The following MED24 variants were observed in gnomAD, a reference collection of about 807,000 sequenced individuals.
The protein encoded by MED24 is mediator complex subunit 24.
A neutral mutation model predicts 118.8 loss-of-function variants in MED24; 74 were observed. The ratio of observed to expected loss-of-function variants is 0.62; its 90% CI spans 0.52 to 0.76. The LOEUF is 0.76. Ranked by LOEUF, MED24 falls within the 30% of genes least tolerant of loss-of-function variation. MED24 has a pLI of 0.00. For missense variants in MED24, 1,041 were observed against 1,278.9 expected, an observed-to-expected ratio of 0.81 and a Z score of 2.84; for synonymous variants, 521 against 523.9, an observed-to-expected ratio of 0.99 and a Z score of 0.08.
At chr17:40,052,379 A>G (rs1985951598) in intron 3 of MED24, among the ~76,000 whole-genome samples, 1 of 152,160 alleles carries the variant, frequency 6.6e-6, no homozygotes, top group South Asian at 2.1e-4. Context: ...ACATCACCCC[A>G]TTGTAAGTTG....
chr17:40,036,688 A>AG (rs1193565482), intron 3 of MED24, among the ~76,000 whole-genome samples: 3 of 83,106 alleles, frequency 3.6e-5, no homozygotes, highest in Admixed American at 3.2e-4. Context: ...CTCTGTCTCA[A>AG]AAAAAAAAAA....
intron 3 of MED24, among the ~76,000 whole-genome samples, chr17:40,039,046 C>T (rs1310828673): frequency 1.3e-5 from 2 of 152,194 alleles, no homozygotes; most frequent in Non-Finnish European, 2.9e-5. Context: ...GTGAACCTTG[C>T]TGGATACCAA....
chr17:40,052,380 T>C (rs942776551), intron 3 of MED24, among the ~76,000 whole-genome samples: 1 of 152,192 alleles, frequency 6.6e-6, no homozygotes, highest in Non-Finnish European at 1.5e-5. Flanking sequence ...CATCACCCCA[T>C]TGTAAGTTGA....
intron 23 of MED24, among the ~76,000 whole-genome samples, chr17:40,020,781 C>T (rs1435529115): frequency 6.6e-6 from 1 of 151,886 alleles, no homozygotes; most frequent in African/African-American, 2.4e-5. Context: ...AACCGTGTCT[C>T]AGAAAAACAG....
chr17:40,037,755 C>T (rs1463916336), intron 3 of MED24, among the ~76,000 whole-genome samples: 1 of 151,816 alleles, frequency 6.6e-6, no homozygotes, highest in Non-Finnish European at 1.5e-5. Context: ...ACTAATAATA[C>T]AAAAAATTAG....
At chr17:40,027,698 G>T (rs1032974633) in intron 15 of MED24, 12 of 671,276 alleles carry the variant, frequency 1.8e-5, no homozygotes, top group Non-Finnish European at 3.1e-5. Context: ...AAAGGGATGA[G>T]GGGGGGAAGG....
chr17:40,052,185 CG>C (rs1341090129), intron 3 of MED24, among the ~76,000 whole-genome samples: 1 of 151,762 alleles, frequency 6.6e-6, no homozygotes, highest in African/African-American at 2.4e-5. Context: ...CCCAGCTACT[CG>C]GGAGGCTGAG....
intron 3 of MED24, among the ~76,000 whole-genome samples, chr17:40,049,446 C>T (rs779016330): frequency 9.2e-5 from 14 of 152,224 alleles, no homozygotes; most frequent in Non-Finnish European, 1.8e-4. Flanking sequence ...GACTGGGTGC[C>T]TTTCCCATGT....
chr17:40,039,781 A>AT (rs869107070), intron 3 of MED24, among the ~76,000 whole-genome samples: 36,063 of 127,588 alleles, frequency 0.28, 6,514 homozygotes, highest in South Asian at 0.44. Flanking sequence ...ACCATGCTTA[A>AT]TTTTTTTTTT....
intron 6 of MED24, chr17:40,034,825 G>A (rs1481787959): frequency 5.3e-6 from 5 of 936,264 alleles, no homozygotes; most frequent in African/African-American, 5.0e-5. Context: ...ATGAGGGCAG[G>A]GACCCTGCCA....
At chr17:40,037,843 A>G (rs1022385269) in intron 3 of MED24, among the ~76,000 whole-genome samples, 3 of 151,718 alleles carry the variant, frequency 2.0e-5, no homozygotes, top group Admixed American at 1.3e-4. Flanking sequence ...CCCGGGAGGC[A>G]GAGCTTGCAG....
chr17:40,036,054 G>A (rs1022087811), intron 4 of MED24, 62 bp downstream of exon 4: 71 of 1,536,076 alleles, frequency 4.6e-5, no homozygotes, highest in South Asian at 6.7e-5. Flanking sequence ...CATCAGGGCC[G>A]TCAAGGAGGC....
rs765018383 is a variant in MED24 at position 40,028,776 on chromosome 17, A to G, written c.1409+50T>C. 9.4e-6 allele frequency: 15 copies of G among 1,604,118 alleles called. 1 individual carries two copies. In the Middle Eastern group the frequency reaches 1.1e-3, roughly 117 times the overall value. ...ACTCCTACCCTGCTACCTCCTCCCA[A>G]CGCGCAGCCTCCCTGCACGCCCTGG... On this transcript the variant is annotated intron_variant, in intron 14 of 25. Transcript: ENST00000394128.
chr17:40,031,551 C>A lies in MED24; in HGVS notation c.1054G>T (p.Asp352Tyr). Reference sequence around the variant, plus strand: ...GGGAGCTCATACTTGCAGCGCTGGTCAGCTTTGTCCAACAAGGGGGTGAGC... The same window carrying A: ...GGGAGCTCATACTTGCAGCGCTGGTAAGCTTTGTCCAACAAGGGGGTGAGC... ...LKLTPLLDKA[D>Y]QRCNCDCTNF... is the part of the protein sequence containing the mutation. Residue 352 changes from aspartate (D) to tyrosine (Y), a missense_variant, in exon 11 of 26, where the codon GAC (aspartate) becomes TAC (tyrosine). Asp to Tyr is a radical substitution (Grantham distance 160, BLOSUM62 -3). This residue lies in a region of MED24 where 434 missense variants were observed against 514.9 expected (regional missense o/e 0.84). Transcript: ENST00000394128. The A allele has an allele frequency of 6.2e-7, 1 of 1,614,134 alleles. No homozygotes were observed. Among genetic ancestry groups the A allele is most frequent in the Non-Finnish European group, 8.5e-7 (1 of 1,179,986 alleles).
At chr17:40,032,923 C>A in intron 8 of MED24, 133 bp downstream of exon 8, 2 of 1,396,432 alleles carry the variant, frequency 1.4e-6, no homozygotes, top group Non-Finnish European at 2.0e-6. Context: ...GAAGTGTGCA[C>A]GACTGGCACC....
Position 40,033,608 on chromosome 17 carries a change from G to T in MED24, c.560-152C>A. 1 of 722,064 alleles carries T rather than the reference G, an allele frequency of 1.4e-6. No individual in the cohort carries two copies. The highest frequency in any genetic ancestry group is 2.5e-6 in the Non-Finnish European group (1 of 403,884). The allele number at this position is 722,064 out of a possible 1,614,324, so 44.7% of individuals were successfully genotyped here. On this transcript the variant is annotated intron_variant, in intron 6 of 25. Transcript: ENST00000394128. The surrounding 1 kb of genome is among the most constrained non-coding windows in gnomAD (Gnocchi z 5.2). ...ACAACAGGGAGGGAGGGGCCTGAGG[G>T]CAGCATGCACTGTTTCCAGAAGGGG... is the stretch of plus-strand genomic sequence containing the variant.
chr17:40,031,461 G>T, intron 11 of MED24, 77 bp downstream of exon 11: 2 of 1,434,864 alleles, frequency 1.4e-6, no homozygotes, highest in Non-Finnish European at 1.9e-6. Context: ...GTCCCCTGAG[G>T]CTTCTCTGGC....
chr17:40,024,538 A>G (rs2144870813), intron 19 of MED24, among the ~76,000 whole-genome samples: 1 of 152,260 alleles, frequency 6.6e-6, no homozygotes, highest in South Asian at 2.1e-4. Context: ...CGTCTCAAAA[A>G]TAAGTACATA....
Position 40,049,017 on chromosome 17 carries a change from T to A in MED24, c.213+4281A>T, listed in dbSNP as rs556957217. ...GAGATCAAATACAATCAAATATATT[T>A]AAGAAAAGTCTCAAAATTTTGAAGA... On this transcript the variant is annotated intron_variant, in intron 3 of 25. Coordinates refer to ENST00000394128, the MANE Select transcript of MED24 (RefSeq NM_014815.4). Among the ~76,000 whole-genome samples, 3 of 152,022 alleles carry A rather than the reference T, an allele frequency of 2.0e-5. No homozygotes were observed. In the South Asian group the frequency reaches 6.2e-4, roughly 32 times the overall value.
Sources: gnomAD v4.1 joint callset for allele counts (sites outside exome capture counted in the v4.1 genomes callset) on GRCh38, gnomAD v4.1.1 for gene constraint, gnomAD v4.1.1 regional missense constraint, Gnocchi (gnomAD v3.1) non-coding constraint, MANE v1.5 for transcripts, NCBI Gene and HGNC (gene_info 2026-07-23, HGNC 2026-07-21) for gene names.